CDH12: variants seen among roughly 807,000 people sequenced by gnomAD.
CDH12 encodes cadherin-12.
In CDH12, 41 loss-of-function variants were observed where a neutral mutation model predicts 74.1. That is an observed-to-expected ratio of 0.55 (90% confidence interval 0.43 to 0.72). CDH12 has a LOEUF of 0.72. Among genes scored for constraint, CDH12 ranks in the 30% least tolerant of loss-of-function variants. The pLI is 0.00. For synonymous variants in CDH12, 399 were observed against 355.0 expected, an observed-to-expected ratio of 1.12 and a Z score of -1.39; for missense variants, 945 against 977.2, an observed-to-expected ratio of 0.97 and a Z score of 0.44.
intron 1 of CDH12, among the ~76,000 whole-genome samples, chr5:22,598,158 C>T (rs1217412585): frequency 6.6e-6 from 1 of 152,066 alleles, no homozygotes; most frequent in Non-Finnish European, 1.5e-5. Flanking sequence ...ATTTCCATTT[C>T]AACTTTAAGA....
At chr5:21,864,561 C>T (rs1047633900) in intron 6 of CDH12, among the ~76,000 whole-genome samples, 4 of 152,162 alleles carry the variant, frequency 2.6e-5, no homozygotes, top group African/African-American at 9.7e-5. Flanking sequence ...AAATGAATTT[C>T]TCTTCATGAT....
intron 2 of CDH12, among the ~76,000 whole-genome samples, chr5:22,435,229 C>G (rs1312440269): frequency 6.6e-6 from 1 of 152,000 alleles, no homozygotes; most frequent in Non-Finnish European, 1.5e-5. Context: ...GCTTAGCCTC[C>G]CAGGCTTCAC....
At chr5:22,644,327 A>C (rs1181416685) in intron 1 of CDH12, among the ~76,000 whole-genome samples, 1 of 152,156 alleles carries the variant, frequency 6.6e-6, no homozygotes, top group Non-Finnish European at 1.5e-5. Flanking sequence ...TCTAGTGAAC[A>C]CATGAGTAAT....
At chr5:21,759,692 C>T (rs998112471) in intron 13 of CDH12, among the ~76,000 whole-genome samples, 5 of 151,688 alleles carry the variant, frequency 3.3e-5, no homozygotes, top group Non-Finnish European at 5.9e-5. Flanking sequence ...TATTTTTTAA[C>T]GTTTATTTTA....
chr5:22,453,564 G>C (rs1054635567), intron 2 of CDH12, among the ~76,000 whole-genome samples: 3 of 152,090 alleles, frequency 2.0e-5, no homozygotes, highest in South Asian at 4.1e-4. Flanking sequence ...TTAAATAGTG[G>C]TTACCAGAGG....
intron 1 of CDH12, among the ~76,000 whole-genome samples, chr5:22,661,125 T>A (rs1237442827): frequency 6.6e-6 from 1 of 152,206 alleles, no homozygotes; most frequent in African/African-American, 2.4e-5. Flanking sequence ...AAAGAAACCT[T>A]ATTTATACAA....
At chr5:22,160,268 A>C (rs911722216) in intron 4 of CDH12, among the ~76,000 whole-genome samples, 1 of 152,204 alleles carries the variant, frequency 6.6e-6, no homozygotes, top group African/African-American at 2.4e-5. Context: ...AAGCAAAACA[A>C]AATAAATTAT....
intron 1 of CDH12, among the ~76,000 whole-genome samples, chr5:22,801,646 TATA>T (rs1748523054): frequency 1.6e-5 from 1 of 63,528 alleles, no homozygotes; most frequent in Admixed American, 1.6e-4. Flanking sequence ...CATATATATA[TATA>T]TATATATATA....
intron 3 of CDH12, among the ~76,000 whole-genome samples, chr5:22,291,001 A>G (rs1737363089): frequency 1.3e-5 from 2 of 152,152 alleles, no homozygotes; most frequent in East Asian, 1.9e-4. Context: ...TGAACAGTAT[A>G]TTTTACAAAT....
chr5:21,767,732 T>C (rs1453766468), intron 11 of CDH12, among the ~76,000 whole-genome samples: 1 of 151,654 alleles, frequency 6.6e-6, no homozygotes, highest in Non-Finnish European at 1.5e-5. Flanking sequence ...TTAATAATAT[T>C]ACTCTCTCTT....
At chr5:21,878,093 A>T (rs953825900) in intron 6 of CDH12, among the ~76,000 whole-genome samples, 1 of 152,256 alleles carries the variant, frequency 6.6e-6, no homozygotes, top group Admixed American at 6.5e-5. Context: ...CAAAGTATTA[A>T]TAACTGTACA....
intron 2 of CDH12, among the ~76,000 whole-genome samples, chr5:22,426,101 T>G (rs917653724): frequency 6.0e-5 from 9 of 151,018 alleles, no homozygotes; most frequent in Non-Finnish European, 8.8e-5. Flanking sequence ...GCAGGAGAAT[T>G]GCTTGAACCT....
At chr5:22,396,882 A>G (rs1219757834) in intron 3 of CDH12, among the ~76,000 whole-genome samples, 3 of 152,134 alleles carry the variant, frequency 2.0e-5, no homozygotes, top group Non-Finnish European at 4.4e-5. Context: ...ACCTCCTAAA[A>G]TATGCCCAAT....
chr5:22,034,751 A>C (rs908495586), intron 5 of CDH12, among the ~76,000 whole-genome samples: 1 of 152,222 alleles, frequency 6.6e-6, no homozygotes, highest in Non-Finnish European at 1.5e-5. Context: ...TCAATTGCCA[A>C]TTATCGAAAT....
chr5:22,621,697 G>A (rs1457704038), intron 1 of CDH12, among the ~76,000 whole-genome samples: 1 of 151,942 alleles, frequency 6.6e-6, no homozygotes, highest in African/African-American at 2.4e-5. Context: ...ACAGTTGTTG[G>A]AGTTTATGCC....
intron 6 of CDH12, among the ~76,000 whole-genome samples, chr5:21,863,706 T>A (rs1751174473): frequency 6.6e-6 from 1 of 152,124 alleles, no homozygotes; most frequent in Non-Finnish European, 1.5e-5. Context: ...TTCACTGTTT[T>A]CAATTTAGAG....
intron 3 of CDH12, among the ~76,000 whole-genome samples, chr5:22,387,573 T>A (rs1410152457): frequency 1.3e-5 from 2 of 152,136 alleles, no homozygotes; most frequent in African/African-American, 4.8e-5. Flanking sequence ...ATACAGAATA[T>A]GTAGAATATA....
chr5:22,612,320 A>C (rs952893227), intron 1 of CDH12, among the ~76,000 whole-genome samples: 5 of 152,120 alleles, frequency 3.3e-5, no homozygotes, highest in Non-Finnish European at 5.9e-5. Flanking sequence ...ATGTGTATAC[A>C]TATCTGGGGA....
At chr5:22,063,531 CCTTT>C (rs1741340432) in intron 5 of CDH12, among the ~76,000 whole-genome samples, 2 of 152,030 alleles carry the variant, frequency 1.3e-5, no homozygotes, top group Admixed American at 6.6e-5. Context: ...AACATTACTT[CCTTT>C]GAGTCTTAAT....
Sources: gnomAD v4.1 joint callset for allele counts (sites outside exome capture counted in the v4.1 genomes callset) on GRCh38, gnomAD v4.1.1 for gene constraint, MANE v1.5 for transcripts, NCBI Gene and HGNC (gene_info 2026-07-23, HGNC 2026-07-21) for gene names.